The following RNGTT variants were observed in gnomAD, a reference collection of about 807,000 sequenced individuals.
RNGTT encodes RNA guanylyltransferase and 5'-phosphatase.
RNGTT carries 33 observed loss-of-function variants against 79.3 expected under a neutral mutation model. The observed-to-expected ratio is 0.42, with a 90% confidence interval of 0.32 to 0.56. The LOEUF is 0.56. Among genes scored for constraint, RNGTT ranks in the 20% least tolerant of loss-of-function variants. The pLI is 0.17. For synonymous variants in RNGTT, 222 were observed against 235.9 expected (o/e 0.94, Z 0.54); for missense variants, 497 against 739.1 (o/e 0.67, Z 3.80).
chr6:88,905,981 G>A (rs1247562880), intron 5 of RNGTT, among the ~76,000 whole-genome samples: 1 of 151,916 alleles, frequency 6.6e-6, no homozygotes, highest in Non-Finnish European at 1.5e-5. Flanking sequence ...CTCCTCACTA[G>A]ACAAAAAAGA....
chr6:88,891,864 T>C lies in RNGTT; in HGVS notation c.736A>G (p.Thr246Ala). 1 of 1,605,244 alleles carries C rather than the reference T, an allele frequency of 6.2e-7. No homozygotes were observed. The highest frequency in any genetic ancestry group is 2.3e-5 in the East Asian group (1 of 44,418). ...VTVKGVTQVT[T>A]QPKLGEVQQK... ...TGTACCTCTCCTAACTTTGGTTGTGTTGTTACTTGAGTTACACCTTTAACA... is the reference window on the plus strand; with the variant it reads ...TGTACCTCTCCTAACTTTGGTTGTGCTGTTACTTGAGTTACACCTTTAACA... Residue 246 changes from threonine (T) to alanine (A), a missense_variant, in exon 7 of 16, where the codon ACA becomes GCA. Transcript: ENST00000369485.
intron 12 of RNGTT, among the ~76,000 whole-genome samples, chr6:88,771,025 T>C (rs1000642191): frequency 6.6e-6 from 1 of 152,086 alleles, no homozygotes; most frequent in Admixed American, 6.5e-5. Flanking sequence ...GATATATGTA[T>C]TACAAATATT....
At chr6:88,776,724 G>A (rs1020434265) in intron 12 of RNGTT, among the ~76,000 whole-genome samples, 1 of 146,128 alleles carries the variant, frequency 6.8e-6, no homozygotes, top group Admixed American at 6.8e-5. Flanking sequence ...TTTGTTTTTT[G>A]CTACTGAGTT....
intron 11 of RNGTT, among the ~76,000 whole-genome samples, chr6:88,840,425 C>T (rs765774094): frequency 6.6e-6 from 1 of 152,140 alleles, no homozygotes; most frequent in Admixed American, 6.6e-5. Flanking sequence ...GAGACAGTGT[C>T]CCACTCCGCC....
intron 13 of RNGTT, among the ~76,000 whole-genome samples, chr6:88,725,077 T>C (rs1274850140): frequency 6.6e-6 from 1 of 152,220 alleles, no homozygotes; most frequent in African/African-American, 2.4e-5. Context: ...AAATTTTATA[T>C]TCAAGTGCTA....
intron 8 of RNGTT, among the ~76,000 whole-genome samples, chr6:88,887,751 C>T (rs538597886): frequency 6.6e-6 from 1 of 152,202 alleles, no homozygotes; most frequent in South Asian, 2.1e-4. Context: ...AAACAAGAGA[C>T]AAATTTTGCA....
At chr6:88,747,910 G>A (rs1284341051) in intron 13 of RNGTT, among the ~76,000 whole-genome samples, 1 of 152,114 alleles carries the variant, frequency 6.6e-6, no homozygotes. Flanking sequence ...TGCCTTCCAA[G>A]TATCACACAT....
chr6:88,837,506 G>A (rs1466233832), intron 11 of RNGTT, among the ~76,000 whole-genome samples: 1 of 151,754 alleles, frequency 6.6e-6, no homozygotes, highest in East Asian at 1.9e-4. Flanking sequence ...TGATGAAAAA[G>A]TTTCCAAAGA....
chr6:88,809,509 A>C (rs1477195413), intron 11 of RNGTT, among the ~76,000 whole-genome samples: 10 of 152,178 alleles, frequency 6.6e-5, no homozygotes, highest in Non-Finnish European at 1.5e-4. Flanking sequence ...AATGCGTACA[A>C]CACATTTCAA....
At chr6:88,949,159 G>GAAAAAAAAAAAAAAAAAAAAAAAAAAA in intron 1 of RNGTT, among the ~76,000 whole-genome samples, 8 of 50,502 alleles carry the variant, frequency 1.6e-4, no homozygotes, top group Admixed American at 6.3e-4. Context: ...AAAATAAAAT[G>GAAAAAAAAAAAAAAAAAAAAAAAAAAA]AAAAAAAAAA....
chr6:88,916,940 G>A (rs764507943), intron 4 of RNGTT, among the ~76,000 whole-genome samples: 6 of 152,156 alleles, frequency 3.9e-5, no homozygotes, highest in Non-Finnish European at 7.3e-5. Context: ...ACCTTGATGT[G>A]ATTGTACTTA....
intron 4 of RNGTT, among the ~76,000 whole-genome samples, chr6:88,920,023 C>T (rs1784118694): frequency 6.6e-6 from 1 of 152,084 alleles, no homozygotes. Context: ...ATTTTGCCCC[C>T]CAGGGGACAT....
rs5878082 is a variant in RNGTT at position 88,919,707 on chromosome 6, C to CTTTTTTTTT, written c.367+9269_367+9277dup. The stretch of plus-strand genomic sequence containing the variant: ...GATCAGTCTAATTAGGTCAGTAGTT[C>CTTTTTTTTT]TTTTTTTTTTTTTTTTTTTTTTTTT... On this transcript the variant is annotated intron_variant, in intron 4 of 15. Transcript: ENST00000369485. 7.4e-4 allele frequency among the ~76,000 whole-genome samples: 43 copies of CTTTTTTTTT among 58,480 alleles called. 2 individuals carry two copies. The highest frequency in any genetic ancestry group is 9.8e-4 in the African/African-American group (12 of 12,228). The allele number at this position is 58,480 out of a possible 152,430, so 38.4% of individuals were successfully genotyped here.
At chr6:88,671,492 T>C (rs1331191140) in intron 14 of RNGTT, among the ~76,000 whole-genome samples, 1 of 152,160 alleles carries the variant, frequency 6.6e-6, no homozygotes, top group Non-Finnish European at 1.5e-5. Flanking sequence ...TGATCATGGA[T>C]GAGTAGAATC....
intron 8 of RNGTT, among the ~76,000 whole-genome samples, chr6:88,859,074 C>A (rs551045717): frequency 6.6e-6 from 1 of 151,950 alleles, no homozygotes; most frequent in Non-Finnish European, 1.5e-5. Flanking sequence ...TCACTGCAGC[C>A]TCAAACTCCT....
intron 8 of RNGTT, among the ~76,000 whole-genome samples, chr6:88,874,908 C>T (rs1782468142): frequency 6.6e-6 from 1 of 152,014 alleles, no homozygotes; most frequent in Admixed American, 6.6e-5. Flanking sequence ...AAGTAATGCT[C>T]TTTATTAGCT....
At chr6:88,789,094 C>A (rs941472337) in intron 12 of RNGTT, among the ~76,000 whole-genome samples, 1 of 152,136 alleles carries the variant, frequency 6.6e-6, no homozygotes, top group Admixed American at 6.5e-5. Context: ...TTTTTTATCA[C>A]TATTCTTCAA....
chr6:88,701,442 A>G (rs1339861888), intron 13 of RNGTT, among the ~76,000 whole-genome samples: 2 of 152,066 alleles, frequency 1.3e-5, no homozygotes, highest in East Asian at 1.9e-4. Context: ...TTTATCCTAT[A>G]TATGCGTGTG....
At chr6:88,684,359 G>C (rs1234614855) in intron 13 of RNGTT, among the ~76,000 whole-genome samples, 2 of 152,126 alleles carry the variant, frequency 1.3e-5, no homozygotes, top group African/African-American at 2.4e-5. Flanking sequence ...CTTACCACAT[G>C]ACCCAATAAT....
Sources: allele counts gnomAD v4.1 joint callset (sites outside exome capture counted in the v4.1 genomes callset), GRCh38; gene constraint gnomAD v4.1.1; transcripts MANE v1.5; gene names NCBI Gene and HGNC (gene_info 2026-07-23, HGNC 2026-07-21).